Variants in SERGEF observed in about 807,000 individuals in gnomAD.
The protein encoded by SERGEF is secretion regulating guanine nucleotide exchange factor.
A neutral mutation model predicts 50.0 loss-of-function variants in SERGEF; 51 were observed. The observed-to-expected ratio is 1.02, with a 90% CI of 0.81 to 1.29. SERGEF has a LOEUF of 1.29. Among genes scored for constraint, SERGEF ranks in the 50% most tolerant of loss-of-function variants. SERGEF has a pLI of 0.00. For missense variants in SERGEF, 521 were observed against 557.0 expected (o/e 0.94, Z 0.65); for synonymous variants, 205 against 212.4 (o/e 0.97, Z 0.30).
chr11:17,815,276 T>C (rs1169520886), intron 10 of SERGEF, among the ~76,000 whole-genome samples: 1 of 152,058 alleles, frequency 6.6e-6, no homozygotes, highest in African/African-American at 2.4e-5. Context: ...TTTTGATCTA[T>C]ATAAATACTT....
At position 18,008,498 on chromosome 11, in the gene SERGEF, A is replaced by G. The variant is rs746555471; in HGVS notation, c.61-422T>C. ...CACACTTTTTTCTACCTCAGGCCCC[A>G]GAAGGCAAAGCAGCAATGCTAGCCA... On this transcript the variant is annotated intron_variant, in intron 1 of 10. Transcript: ENST00000265965. Among the ~76,000 whole-genome samples the G allele has an allele frequency of 4.6e-5, 7 of 152,354 alleles. No individual in the cohort carries two copies. In the South Asian group the frequency reaches 1.2e-3, roughly 27 times the overall value.
At chr11:17,876,069 T>G (rs1239933779) in intron 10 of SERGEF, among the ~76,000 whole-genome samples, 1 of 152,180 alleles carries the variant, frequency 6.6e-6, no homozygotes, top group Non-Finnish European at 1.5e-5. Flanking sequence ...GGCAGCTTCT[T>G]GTAGCTTCCT....
At chr11:17,887,355 TG>T (rs1851448973) in intron 9 of SERGEF, among the ~76,000 whole-genome samples, 1 of 152,172 alleles carries the variant, frequency 6.6e-6, no homozygotes, top group Non-Finnish European at 1.5e-5. Flanking sequence ...ACAATACATC[TG>T]GATTTCAGTA....
At chr11:17,896,078 G>T (rs775064799) in intron 9 of SERGEF, among the ~76,000 whole-genome samples, 28 of 151,938 alleles carry the variant, frequency 1.8e-4, no homozygotes, top group African/African-American at 6.8e-4. Flanking sequence ...TATTTCCTTG[G>T]GATAAGTTTT....
chr11:17,913,737 C>T (rs187699499), intron 9 of SERGEF, among the ~76,000 whole-genome samples: 3 of 152,272 alleles, frequency 2.0e-5, no homozygotes, highest in Admixed American at 2.0e-4. Context: ...GCCAGTGACT[C>T]CACCAAGAGA....
chr11:17,995,708 C>A (rs1853823110), intron 6 of SERGEF, 88 bp downstream of exon 6: 3 of 941,848 alleles, frequency 3.2e-6, no homozygotes, highest in African/African-American at 3.3e-5. Context: ...ATAGCAAAAT[C>A]AAAAATCCAT....
chr11:18,003,254 T>C (rs1418606020), intron 4 of SERGEF, among the ~76,000 whole-genome samples: 2 of 152,208 alleles, frequency 1.3e-5, no homozygotes, highest in Admixed American at 6.5e-5. Context: ...TCATTTTTGA[T>C]TCAAGCATAT....
At chr11:17,799,712 A>G (rs1328793669) in intron 10 of SERGEF, among the ~76,000 whole-genome samples, 1 of 152,240 alleles carries the variant, frequency 6.6e-6, no homozygotes, top group Non-Finnish European at 1.5e-5. Context: ...ACATGCAGGA[A>G]GATTAGGGTA....
intron 9 of SERGEF, among the ~76,000 whole-genome samples, chr11:17,885,409 A>G (rs1851411270): frequency 6.6e-6 from 1 of 152,050 alleles, no homozygotes; most frequent in Admixed American, 6.5e-5. Context: ...ATAACCTCGA[A>G]TTCCTGGGCT....
intron 9 of SERGEF, among the ~76,000 whole-genome samples, chr11:17,948,460 C>G (rs1359390578): frequency 1.3e-5 from 2 of 152,160 alleles, no homozygotes; most frequent in East Asian, 3.8e-4. Context: ...CAGACCCGAT[C>G]GTCAAATGAT....
chr11:17,925,170 T>C, intron 9 of SERGEF, among the ~76,000 whole-genome samples: 1 of 151,976 alleles, frequency 6.6e-6, no homozygotes, highest in South Asian at 2.1e-4. Flanking sequence ...GCCTCTTTGC[T>C]CTACATGACT....
At chr11:17,988,364 C>T (rs889288788) in intron 8 of SERGEF, among the ~76,000 whole-genome samples, 4 of 152,220 alleles carry the variant, frequency 2.6e-5, no homozygotes, top group African/African-American at 9.6e-5. Flanking sequence ...CTCATGGGCT[C>T]TTAGGACCGG....
chr11:17,873,414 T>G (rs1397538310), intron 10 of SERGEF, among the ~76,000 whole-genome samples: 2 of 152,188 alleles, frequency 1.3e-5, no homozygotes, highest in African/African-American at 4.8e-5. Flanking sequence ...CTAAGCTCTC[T>G]ACAAGGCCCT....
chr11:17,822,093 G>A (rs1362350377), intron 10 of SERGEF, among the ~76,000 whole-genome samples: 1 of 152,160 alleles, frequency 6.6e-6, no homozygotes, highest in Non-Finnish European at 1.5e-5. Flanking sequence ...TCCTGGGAAT[G>A]GTATTGTTTA....
At chr11:17,870,317 A>G (rs1321325802) in intron 10 of SERGEF, among the ~76,000 whole-genome samples, 2 of 152,238 alleles carry the variant, frequency 1.3e-5, no homozygotes, top group Non-Finnish European at 2.9e-5. Flanking sequence ...TTATCCAGGC[A>G]GGGATGATGT....
At chr11:17,973,875 T>G (rs1353529963) in intron 8 of SERGEF, among the ~76,000 whole-genome samples, 1 of 152,048 alleles carries the variant, frequency 6.6e-6, no homozygotes, top group Non-Finnish European at 1.5e-5. Flanking sequence ...CATTGAGCAG[T>G]GGCAATAATG....
intron 9 of SERGEF, among the ~76,000 whole-genome samples, chr11:17,919,392 T>C (rs1051192158): frequency 2.6e-5 from 4 of 151,876 alleles, no homozygotes; most frequent in Non-Finnish European, 4.4e-5. Context: ...AGGCAAGAGT[T>C]TGGAAACAAC....
At chr11:17,872,399 C>T (rs1043188045) in intron 10 of SERGEF, among the ~76,000 whole-genome samples, 21 of 152,150 alleles carry the variant, frequency 1.4e-4, no homozygotes, top group African/African-American at 4.8e-4. Context: ...ATATTATATA[C>T]GTTATACTTC....
chr11:17,963,324 T>C (rs1590221183), intron 8 of SERGEF, among the ~76,000 whole-genome samples: 1 of 110,050 alleles, frequency 9.1e-6, no homozygotes, highest in South Asian at 3.5e-4. Context: ...GATCTCACCC[T>C]CCAGACCAGG....
Sources: allele counts gnomAD v4.1 joint callset (sites outside exome capture counted in the v4.1 genomes callset), GRCh38; gene constraint gnomAD v4.1.1; transcripts MANE v1.5; gene names NCBI Gene and HGNC (gene_info 2026-07-23, HGNC 2026-07-21).